Variants in MGST1 observed in about 807,000 individuals in gnomAD.
MGST1 encodes microsomal glutathione S-transferase 1.
In MGST1, 5 loss-of-function variants were observed where a neutral mutation model predicts 8.9. The ratio of observed to expected loss-of-function variants is 0.56; its 90% CI spans 0.29 to 1.19. The LOEUF (loss-of-function observed/expected upper bound fraction) is 1.19. Ranked by LOEUF, MGST1 falls within the 50% of genes most tolerant of loss-of-function variation. The probability of loss-of-function intolerance (pLI) is 0.08; values close to 1 mark genes in which losing one functional copy is unlikely to be tolerated. For synonymous variants in MGST1, 54 were observed against 67.8 expected (o/e 0.80, Z 1.00); for missense variants, 182 against 187.4 (o/e 0.97, Z 0.17).
chr12:16,430,320 C>T (rs957349048), intron 1 of MGST1, among the ~76,000 whole-genome samples: 12 of 152,156 alleles, frequency 7.9e-5, no homozygotes, highest in African/African-American at 2.9e-4. Context: ...ATTTTGACCT[C>T]CTCCCATGAA....
In MGST1 at chr12:16,513,385, G is replaced by T; in HGVS notation, n.483-76143G>T. On this transcript the variant is annotated intron_variant and non_coding_transcript_variant, in intron 4 of 4. Transcript: ENST00000538857. This position sits in a 1 kb window ranked among gnomAD's most constrained non-coding sequence, Gnocchi z 4.2. ...TGCGTCTGCCCACTGCCCTCCTACC[G>T]TCCACCATGGCTCCTCTGCGCTCCA... is the stretch of plus-strand genomic sequence containing the variant. 1 of 370,468 alleles carries T rather than the reference G, an allele frequency of 2.7e-6. No individual in the cohort carries two copies. The allele number at this position is 370,468 out of a possible 1,614,324, so 22.9% of individuals were successfully genotyped here. A position where few individuals can be genotyped will look rare whatever the true frequency, so the allele number is the denominator to read the frequency against.
chr12:16,390,637 T>C (rs1940543087), intron 1 of MGST1, among the ~76,000 whole-genome samples: 1 of 152,238 alleles, frequency 6.6e-6, no homozygotes, highest in Non-Finnish European at 1.5e-5. Flanking sequence ...CTTGTTCTTA[T>C]TCCTTTTTAT....
chr12:16,438,971 T>A (rs1323165557), downstream of MGST1, among the ~76,000 whole-genome samples: 1 of 151,848 alleles, frequency 6.6e-6, no homozygotes, highest in Non-Finnish European at 1.5e-5. Flanking sequence ...TGGTGCAGAT[T>A]TTTAATGGGA....
At chr12:16,558,586 C>CGTCTA (rs1043889446) in intron 4 of MGST1, among the ~76,000 whole-genome samples, 6 of 152,060 alleles carry the variant, frequency 3.9e-5, no homozygotes, top group Admixed American at 1.3e-4. Context: ...AATTTATTTT[C>CGTCTA]GTCTAAATGT....
chr12:16,375,941 T>A (rs1030072677), intron 3 of MGST1, among the ~76,000 whole-genome samples: 1 of 151,898 alleles, frequency 6.6e-6, no homozygotes, highest in Non-Finnish European at 1.5e-5. Context: ...GCCAATAAAT[T>A]TCAAGATGTG....
At chr12:16,467,264 A>G (rs1345734381) in intron 4 of MGST1, among the ~76,000 whole-genome samples, 2 of 152,228 alleles carry the variant, frequency 1.3e-5, no homozygotes, top group Admixed American at 6.5e-5. Flanking sequence ...CAAAAATCAG[A>G]GTACAATTCA....
rs1268366035 is a variant in MGST1, at chr12:16,458,356, T to G, written n.482+74752T>G. Reference sequence around the variant, plus strand: ...TGTGATTACCATAAGCAATTTAAATTTTATTGATCTCTCCTTCTGAAAGTT... The same window carrying G: ...TGTGATTACCATAAGCAATTTAAATGTTATTGATCTCTCCTTCTGAAAGTT... On this transcript the variant is annotated intron_variant and non_coding_transcript_variant, in intron 4 of 4. Coordinates refer to the MGST1 transcript ENST00000538857. The surrounding 1 kb of genome is among the most constrained non-coding windows in gnomAD (Gnocchi z 4.0). 6.6e-6 allele frequency among the ~76,000 whole-genome samples: 1 copy of G among 151,980 alleles called. No individual in the cohort carries two copies. The highest frequency in any genetic ancestry group is 1.9e-4 in the East Asian group (1 of 5,168).
intron 4 of MGST1, among the ~76,000 whole-genome samples, chr12:16,479,298 G>A (rs1435573108): frequency 6.9e-6 from 1 of 145,866 alleles, no homozygotes; most frequent in Non-Finnish European, 1.5e-5. Context: ...GTGGTGGCGC[G>A]ATCTGGGCTC....
At chr12:16,419,492 C>A (rs567426084) in intron 1 of MGST1, among the ~76,000 whole-genome samples, 2 of 152,198 alleles carry the variant, frequency 1.3e-5, no homozygotes, top group African/African-American at 4.8e-5. Flanking sequence ...AGGAAAAAAT[C>A]TCGACAATGA....
rs577729760 is a variant in MGST1, at chr12:16,546,170, T to C, written n.483-43358T>C. 4.3e-4 allele frequency among the ~76,000 whole-genome samples: 65 copies of C among 152,264 alleles called. No individual in the cohort carries two copies. The highest frequency in any genetic ancestry group is 1.5e-3 in the African/African-American group (63 of 41,564). On this transcript the variant is annotated intron_variant and non_coding_transcript_variant, in intron 4 of 4. Transcript: ENST00000538857. This position sits in a 1 kb window ranked among gnomAD's most constrained non-coding sequence, Gnocchi z 4.7. Reference sequence around the variant, plus strand: ...ACTAAAAGTTATTGAAGATGGGTCATATGAAAATGTTACCTGTTTCAAATG... The same window carrying C: ...ACTAAAAGTTATTGAAGATGGGTCACATGAAAATGTTACCTGTTTCAAATG...
At chr12:16,351,280 T>G (rs149837103) in intron 1 of MGST1, among the ~76,000 whole-genome samples, 32 of 152,296 alleles carry the variant, frequency 2.1e-4, no homozygotes, top group Middle Eastern at 3.4e-3. Context: ...ACCTACACTC[T>G]GAAGGATAGT....
At chr12:16,565,049 C>T (rs922293125) in intron 4 of MGST1, among the ~76,000 whole-genome samples, 1 of 152,108 alleles carries the variant, frequency 6.6e-6, no homozygotes, top group Non-Finnish European at 1.5e-5. Flanking sequence ...CTTGGCCTCC[C>T]AAAGTTATCA....
chr12:16,498,044 A>G (rs571657050), intron 4 of MGST1, among the ~76,000 whole-genome samples: 1 of 152,318 alleles, frequency 6.6e-6, no homozygotes, highest in Admixed American at 6.5e-5. Flanking sequence ...TAGAAGCACT[A>G]TGATATGACC....
chr12:16,362,147 T>A lies in MGST1; in HGVS notation c.222-1648T>A, dbSNP rs886501664. 3.3e-5 allele frequency among the ~76,000 whole-genome samples: 5 copies of A among 152,120 alleles called. No homozygotes were observed. Among genetic ancestry groups the A allele is most frequent in the African/African-American group, 4.8e-5 (2 of 41,422 alleles). On this transcript the variant is annotated intron_variant, in intron 3 of 3. Coordinates refer to ENST00000396210, the MANE Select transcript of MGST1 (RefSeq NM_020300.5). This position sits in a 1 kb window ranked among gnomAD's most constrained non-coding sequence, Gnocchi z 4.4. Reference sequence around the variant, plus strand: ...TATCTCTGTGATGCTGGGGGAGAAATCACAGGGGCAAAACAAATACTCTAG... The same window carrying A: ...TATCTCTGTGATGCTGGGGGAGAAAACACAGGGGCAAAACAAATACTCTAG...
intron 4 of MGST1, among the ~76,000 whole-genome samples, chr12:16,484,584 T>G (rs1941386383): frequency 6.6e-6 from 1 of 152,066 alleles, no homozygotes; most frequent in African/African-American, 2.4e-5. Flanking sequence ...ACTTATAACC[T>G]TGGCAGAAGG....
At chr12:16,578,914 C>G (rs1183490848) in intron 4 of MGST1, among the ~76,000 whole-genome samples, 1 of 152,102 alleles carries the variant, frequency 6.6e-6, no homozygotes, top group Admixed American at 6.6e-5. Context: ...TGGTTCTATA[C>G]TTAACAAAGT....
At position 16,362,631 on chromosome 12, in the gene MGST1, G is replaced by A. The variant is rs1247806381; in HGVS notation, c.222-1164G>A. 6.6e-6 allele frequency: 1 copy of A among 152,162 alleles called. No homozygotes were observed. The highest frequency in any genetic ancestry group is 1.5e-5 in the Non-Finnish European group (1 of 68,042). The allele number at this position is 152,162 out of a possible 1,614,324, so 9.4% of individuals were successfully genotyped here. A position where few individuals can be genotyped will look rare whatever the true frequency, so the allele number is the denominator to read the frequency against. On this transcript the variant is annotated intron_variant, in intron 3 of 3. Transcript: ENST00000396210. The surrounding 1 kb of genome is among the most constrained non-coding windows in gnomAD (Gnocchi z 4.4). ...TTTCTAATTCTGTAGACTTAAGGGA[G>A]GTGACATTTTAAAATTAAGTATTTT...
At chr12:16,455,840 G>T (rs1941167570) in intron 4 of MGST1, among the ~76,000 whole-genome samples, 1 of 151,816 alleles carries the variant, frequency 6.6e-6, no homozygotes, top group African/African-American at 2.4e-5. Flanking sequence ...CAAATGTGAA[G>T]CATATTGTTA....
chr12:16,522,206 A>G (rs1941652908), intron 4 of MGST1, among the ~76,000 whole-genome samples: 1 of 152,220 alleles, frequency 6.6e-6, no homozygotes, highest in Non-Finnish European at 1.5e-5. Flanking sequence ...GGGCATTCTC[A>G]GGCAGATTAA....
Sources: gnomAD v4.1 joint callset for allele counts (sites outside exome capture counted in the v4.1 genomes callset) on GRCh38, gnomAD v4.1.1 for gene constraint, Gnocchi (gnomAD v3.1) non-coding constraint, MANE v1.5 for transcripts, NCBI Gene and HGNC (gene_info 2026-07-23, HGNC 2026-07-21) for gene names.